Variants in RBM4 observed in about 807,000 individuals in gnomAD.
RBM4 encodes RNA binding motif protein 4, also known as RNA-binding protein 4.
In RBM4, 7 loss-of-function variants were observed where a neutral mutation model predicts 29.5. The observed-to-expected ratio is 0.24, with a 90% confidence interval of 0.14 to 0.45. The LOEUF (loss-of-function observed/expected upper bound fraction) is 0.45. Among genes scored for constraint, RBM4 ranks in the 20% least tolerant of loss-of-function variants. RBM4 has a pLI of 1.00. For missense variants in RBM4, 387 were observed against 502.3 expected, an observed-to-expected ratio of 0.77 and a Z score of 2.19; for synonymous variants, 220 against 205.4, an observed-to-expected ratio of 1.07 and a Z score of -0.61.
At position 66,644,082 on chromosome 11, in the gene RBM4, C is replaced by G; in HGVS notation, c.1045C>G (p.Arg349Gly). 1 of 1,613,982 alleles carries G rather than the reference C, an allele frequency of 6.2e-7. No individual in the cohort carries two copies. The highest frequency in any genetic ancestry group is 1.1e-5 in the South Asian group (1 of 91,080). Residue 349 changes from arginine to glycine, a missense_variant, in exon 3 of 4, where the codon CGG becomes GGG. Arg to Gly is a moderately radical substitution (Grantham distance 125). Coordinates refer to ENST00000310092, the MANE Select transcript of RBM4 (RefSeq NM_002896.4). ...GCGGAATTCTCTGTACGACATGGCC[C>G]GGTATGAGCGGGAGCAGTATGCCGA... is the stretch of plus-strand genomic sequence containing the variant. ...AARNSLYDMA[R>G]YEREQYADRA...
At chr11:66,644,599 T>G in intron 3 of RBM4, 1 of 770,526 alleles carries the variant, frequency 1.3e-6, no homozygotes, top group East Asian at 1.3e-4. Flanking sequence ...GATGATAAAG[T>G]CCATAACTGT....
chr11:66,667,440 A>G (rs905958887), exon 3 of RBM4: 10 of 152,186 alleles, frequency 6.6e-5, no homozygotes, highest in Admixed American at 2.0e-4. Context: ...AACACAAACA[A>G]AAATTGCTGG....
In RBM4 at chr11:66,643,336, G is replaced by C. The variant is rs905012319; in HGVS notation, c.413-114G>C. 1.8e-5 allele frequency: 21 copies of C among 1,156,312 alleles called. No individual in the cohort carries two copies. Among genetic ancestry groups the C allele is most frequent in the African/African-American group, 3.1e-5 (2 of 64,016 alleles). The allele number at this position is 1,156,312 out of a possible 1,614,324, so 71.6% of individuals were successfully genotyped here. Reference sequence around the variant, plus strand: ...TTCCTTTTTATCTTTTCCTAAAGATGAGTCCTGCATTAGAATTGTCTAGAT... The same window carrying C: ...TTCCTTTTTATCTTTTCCTAAAGATCAGTCCTGCATTAGAATTGTCTAGAT... On this transcript the variant is annotated intron_variant, in intron 2 of 3. Coordinates refer to ENST00000310092, the MANE Select transcript of RBM4 (RefSeq NM_002896.4). This position sits in a 1 kb window ranked among gnomAD's most constrained non-coding sequence, Gnocchi z 6.1.
exon 3 of RBM4, chr11:66,666,971 C>G (rs1477980034): frequency 6.6e-6 from 1 of 151,006 alleles, no homozygotes. Flanking sequence ...AGTGCAGTGG[C>G]TAACTGCAGT....
chr11:66,649,387 A>G (rs974002300), downstream of RBM4, among the ~76,000 whole-genome samples: 5 of 152,200 alleles, frequency 3.3e-5, no homozygotes, highest in Admixed American at 6.5e-5. Flanking sequence ...TTCTAAGACA[A>G]TTTTAAAGTT....
intron 2 of RBM4, among the ~76,000 whole-genome samples, chr11:66,652,876 G>C (rs1418821560): frequency 6.6e-6 from 1 of 152,156 alleles, no homozygotes; most frequent in African/African-American, 2.4e-5. Flanking sequence ...ACCAAAACAG[G>C]GATGGTGCTT....
intron 2 of RBM4, among the ~76,000 whole-genome samples, chr11:66,660,779 G>A (rs1475803371): frequency 6.6e-6 from 1 of 151,578 alleles, no homozygotes; most frequent in Admixed American, 6.6e-5. Context: ...TCAGCCTCCC[G>A]AGTAGCTGGG....
intron 2 of RBM4, among the ~76,000 whole-genome samples, chr11:66,659,263 CT>C (rs767959263): frequency 0.014 from 972 of 67,324 alleles, 4 homozygotes; most frequent in African/African-American, 0.052. Context: ...CTTCTTGGTT[CT>C]TTTTTTTTTT....
At position 66,646,374 on chromosome 11, in the gene RBM4, T is replaced by A; in HGVS notation, c.*356T>A. Reference sequence around the variant, plus strand: ...TTTGGGAATGACCTTGGTGAGAGTCTCACTGCTCCAGGGTCTCTTTTTGGT... The same window carrying A: ...TTTGGGAATGACCTTGGTGAGAGTCACACTGCTCCAGGGTCTCTTTTTGGT... On this transcript the variant is annotated 3_prime_UTR_variant, in exon 4 of 4. Coordinates refer to ENST00000310092, the MANE Select transcript of RBM4 (RefSeq NM_002896.4). 8.4e-7 allele frequency: 1 copy of A among 1,189,496 alleles called. No homozygotes were observed. The highest frequency in any genetic ancestry group is 2.7e-5 in the South Asian group (1 of 37,394). The allele number at this position is 1,189,496 out of a possible 1,614,324, so 73.7% of individuals were successfully genotyped here. A position where few individuals can be genotyped will look rare whatever the true frequency, so the allele number is the denominator to read the frequency against.
intron 2 of RBM4, among the ~76,000 whole-genome samples, chr11:66,656,019 G>A (rs996299703): frequency 6.6e-6 from 1 of 151,984 alleles, no homozygotes; most frequent in Admixed American, 6.6e-5. Flanking sequence ...TGCCCAGGCT[G>A]GAGTGCAATG....
chr11:66,651,349 CTTTT>C (rs750581946), downstream of RBM4, among the ~76,000 whole-genome samples: 2 of 140,250 alleles, frequency 1.4e-5, no homozygotes, highest in Admixed American at 7.2e-5. Context: ...AGAGAAAGTA[CTTTT>C]TTTTTTTTTT....
At chr11:66,663,228 T>C (rs1396944991) in intron 2 of RBM4, among the ~76,000 whole-genome samples, 1 of 152,196 alleles carries the variant, frequency 6.6e-6, no homozygotes, top group Non-Finnish European at 1.5e-5. Flanking sequence ...TACTGCAAAA[T>C]GTCACTGCTA....
chr11:66,662,727 G>A (rs1221346103), intron 2 of RBM4, among the ~76,000 whole-genome samples: 1 of 152,140 alleles, frequency 6.6e-6, no homozygotes, highest in Non-Finnish European at 1.5e-5. Flanking sequence ...ATGTTAAATT[G>A]GTTGAAACCT....
downstream of RBM4, among the ~76,000 whole-genome samples, chr11:66,650,438 G>A (rs540837003): frequency 9.7e-4 from 147 of 152,212 alleles, 1 homozygote; most frequent in African/African-American, 3.3e-3. Flanking sequence ...GGGCATGGTG[G>A]TGGGCACCTG....
intron 2 of RBM4, among the ~76,000 whole-genome samples, chr11:66,661,805 G>T (rs1368818766): frequency 6.6e-6 from 1 of 152,308 alleles, no homozygotes; most frequent in Admixed American, 6.5e-5. Context: ...CGAGGTGGGT[G>T]GATCACCTGA....
chr11:66,656,039 C>G (rs1938942984), intron 2 of RBM4, among the ~76,000 whole-genome samples: 1 of 152,042 alleles, frequency 6.6e-6, no homozygotes, highest in African/African-American at 2.4e-5. Flanking sequence ...GGTGCAATCT[C>G]AGCTCACCAC....
At chr11:66,639,497 G>GTC (rs1565079057) in intron 1 of RBM4, 2 of 660,544 alleles carry the variant, frequency 3.0e-6, no homozygotes, top group Non-Finnish European at 5.1e-6. Flanking sequence ...TATTGCAGAC[G>GTC]TCTTCTTATT....
At chr11:66,650,590 G>A (rs773486543), downstream of RBM4, among the ~76,000 whole-genome samples, 20 of 150,412 alleles carry the variant, frequency 1.3e-4, no homozygotes, top group African/African-American at 2.7e-4. Context: ...TAGGCCAGGC[G>A]CGGTGGCCCA....
At chr11:66,657,836 A>C (rs1447681578) in intron 2 of RBM4, among the ~76,000 whole-genome samples, 1 of 148,250 alleles carries the variant, frequency 6.7e-6, no homozygotes, top group Non-Finnish European at 1.5e-5. Flanking sequence ...CAATTCTCTC[A>C]CCTCAGCCTC....
Sources: gnomAD v4.1 joint callset for allele counts (sites outside exome capture counted in the v4.1 genomes callset) on GRCh38, gnomAD v4.1.1 for gene constraint, Gnocchi (gnomAD v3.1) non-coding constraint, MANE v1.5 for transcripts, NCBI Gene and HGNC (gene_info 2026-07-23, HGNC 2026-07-21) for gene names.